Variants in PRRT3 observed in about 807,000 individuals in gnomAD.
The protein encoded by PRRT3 is proline-rich transmembrane protein 3.
PRRT3 carries 48 observed loss-of-function variants against 56.6 expected under a neutral mutation model. The ratio of observed to expected loss-of-function variants is 0.85; its 90% confidence interval spans 0.67 to 1.08. The LOEUF (loss-of-function observed/expected upper bound fraction) is 1.08, where lower values mean the gene tolerates loss of function less well. Among genes scored for constraint, PRRT3 ranks in the 50% least tolerant of loss-of-function variants. PRRT3 has a pLI of 0.00. For synonymous variants in PRRT3, 641 were observed against 619.1 expected, an observed-to-expected ratio of 1.04 and a Z score of -0.52; for missense variants, 1,370 against 1,353.1, an observed-to-expected ratio of 1.01 and a Z score of -0.20.
chr3:9,949,184 T>C lies in PRRT3; in HGVS notation c.932A>G (p.Asp311Gly). ...TGGTGAATCCTTAGCGTCAGGAAGG[T>C]CAGCCTGCTTGGGCGGGGGACCTGG... ...SSPGPPPKQADLPDAKDSPGP... is the reference protein window; with the variant it reads ...SSPGPPPKQAGLPDAKDSPGP... The change falls in exon 2 of 4, where the codon GAC (aspartate) becomes GGC (glycine). Residue 311 changes from aspartate to glycine, a missense_variant. Asp to Gly is a moderately conservative substitution (Grantham distance 94). Transcript: ENST00000412055. The surrounding 1 kb of genome is among the most constrained non-coding windows in gnomAD (Gnocchi z 4.5). 1.2e-6 allele frequency: 2 copies of C among 1,611,828 alleles called. No individual in the cohort carries two copies. Among genetic ancestry groups the C allele is most frequent in the Non-Finnish European group, 1.7e-6 (2 of 1,179,190 alleles).
rs779015351 is a variant in PRRT3 at position 9,948,819 on chromosome 3, A to T, written c.1110T>A (p.Gly370=). ...TTACAGCTGGGCCAGGGTCTGAGGG[A>T]CCAGGGATGAGAGACTTGGGGGTGC... is the stretch of plus-strand genomic sequence containing the variant. ...APGTPKSLIP[G]PSDPGPAVNR... The change falls in exon 3 of 4, where the codon GGT becomes GGA. Residue 370 remains glycine, a synonymous_variant. Coordinates refer to ENST00000412055, the MANE Select transcript of PRRT3 (RefSeq NM_207351.5). The T allele has an allele frequency of 6.2e-6, 10 of 1,613,392 alleles. No homozygotes were observed. The Admixed American group carries it at 1.0e-4, about 16-fold the overall frequency.
Position 9,949,663 on chromosome 3 carries a change from A to T in PRRT3, c.453T>A (p.His151Gln). Reference sequence around the variant, plus strand: ...TGGGAGTTGTGGGGATGAAAGTGAGATGAGGGTGGCCCACTGGGTGGGGAG... The same window carrying T: ...TGGGAGTTGTGGGGATGAAAGTGAGTTGAGGGTGGCCCACTGGGTGGGGAG... ...AVAPHPVGHP[H>Q]LTFIPTTPRR... is the part of the protein sequence containing the mutation. The change falls in exon 2 of 4, where the codon CAT becomes CAA. Residue 151 changes from histidine (H) to glutamine (Q), a missense_variant. By Grantham distance (24) the His-to-Gln change is conservative. Coordinates refer to ENST00000412055, the MANE Select transcript of PRRT3 (RefSeq NM_207351.5). The surrounding 1 kb of genome is among the most constrained non-coding windows in gnomAD (Gnocchi z 4.5). 6.2e-7 allele frequency: 1 copy of T among 1,614,044 alleles called. No homozygotes were observed. Among genetic ancestry groups the T allele is most frequent in the Non-Finnish European group, 8.5e-7 (1 of 1,180,012 alleles).
Position 9,946,537 on chromosome 3 carries a change from C to CGCACGT in PRRT3, c.2630_2635dup (p.Val878_Arg879insHisVal), listed in dbSNP as rs2085524977. ...GTGCTGTGGGACCGGCCCGCGCACG[C>CGCACGT]GCACGTCGCTGAGCGACCTGCAGCG... On this transcript the variant is annotated inframe_insertion, in exon 4 of 4. Transcript: ENST00000412055. This position sits in a 1 kb window ranked among gnomAD's most constrained non-coding sequence, Gnocchi z 4.1. 1.4e-6 allele frequency: 2 copies of CGCACGT among 1,461,516 alleles called. No homozygotes were observed. The highest frequency in any genetic ancestry group is 5.3e-5 in the Admixed American group (2 of 37,670). 90.5% of individuals were successfully genotyped at this position (1,461,516 alleles called of 1,614,324 possible). A position where few individuals can be genotyped will look rare whatever the true frequency, so the allele number is the denominator to read the frequency against.
In PRRT3 at chr3:9,949,689, C is replaced by A; in HGVS notation, c.427G>T (p.Ala143Ser). Reference protein sequence around the residue: ...SQELLQQEAVAPHPVGHPHLT... With the variant: ...SQELLQQEAVSPHPVGHPHLT... ...TGAGGGTGGCCCACTGGGTGGGGAG[C>A]CACTGCTTCTTGCTGCAGAAGCTCT... Residue 143 changes from alanine (A) to serine (S), a missense_variant, in exon 2 of 4, where the codon GCT becomes TCT. Physicochemically the swap from Ala to Ser is moderately conservative, Grantham distance 99 (BLOSUM62 1). Transcript: ENST00000412055. This position sits in a 1 kb window ranked among gnomAD's most constrained non-coding sequence, Gnocchi z 4.5. 1 of 1,614,136 alleles carries A rather than the reference C, an allele frequency of 6.2e-7. No individual in the cohort carries two copies. The highest frequency in any genetic ancestry group is 8.5e-7 in the Non-Finnish European group (1 of 1,180,032).
Position 9,947,729 on chromosome 3 carries a change from A to G in PRRT3, c.1444T>C (p.Phe482Leu), listed in dbSNP as rs1351268219. The G allele has an allele frequency of 1.3e-6, 2 of 1,559,560 alleles. No individual in the cohort carries two copies. The highest frequency in any genetic ancestry group is 2.3e-5 in the East Asian group (1 of 43,660). The change falls in exon 4 of 4, where the codon TTT becomes CTT. Residue 482 changes from phenylalanine to leucine, a missense_variant. By Grantham distance (22) the Phe-to-Leu change is conservative. Transcript: ENST00000412055. This position sits in a 1 kb window ranked among gnomAD's most constrained non-coding sequence, Gnocchi z 9.2. ...ELHVYGVGVL[F>L]LLPALLALAA... Reference sequence around the variant, plus strand: ...AGCGCCAACAACGCGGGCAGCAGAAAGAGTACCCCCACCCCGTAGACGTGC... The same window carrying G: ...AGCGCCAACAACGCGGGCAGCAGAAGGAGTACCCCCACCCCGTAGACGTGC...
intron 3 of PRRT3, 115 bp from the exon 4 acceptor site, chr3:9,948,116 A>G (rs916773808): frequency 6.2e-6 from 7 of 1,127,210 alleles, no homozygotes; most frequent in Middle Eastern, 2.2e-4. Flanking sequence ...CAAAATGGAG[A>G]TAACAGCACC....
rs370534364 is a variant in PRRT3, at chr3:9,949,198, C to T, written c.918G>A (p.Pro306=). The change falls in exon 2 of 4, where the codon CCG becomes CCA. Residue 306 remains proline, a synonymous_variant. Coordinates refer to ENST00000412055, the MANE Select transcript of PRRT3 (RefSeq NM_207351.5). This position sits in a 1 kb window ranked among gnomAD's most constrained non-coding sequence, Gnocchi z 4.5. ...CGTCAGGAAGGTCAGCCTGCTTGGGCGGGGGACCTGGGGAGCTGACTTCCC... is the reference window on the plus strand; with the variant it reads ...CGTCAGGAAGGTCAGCCTGCTTGGGTGGGGGACCTGGGGAGCTGACTTCCC... ...VSWEVSSPGP[P]PKQADLPDAK... The T allele has an allele frequency of 3.1e-4, 506 of 1,610,184 alleles. 1 individual carries two copies. Among genetic ancestry groups the T allele is most frequent in the South Asian group, 9.8e-4 (89 of 90,532 alleles).
rs1200980366 is a variant in PRRT3 at position 9,946,822 on chromosome 3, C to T, written c.2351G>A (p.Gly784Asp). The change falls in exon 4 of 4, where the codon GGT (glycine) becomes GAT (aspartate). Residue 784 changes from glycine (G) to aspartate (D), a missense_variant. Transcript: ENST00000412055. The surrounding 1 kb of genome is among the most constrained non-coding windows in gnomAD (Gnocchi z 4.1). ...SAASLGRGPQ[G>D]GPGLSRNGVG... ...ACCGTTGCGGGACAGTCCCGGGCCACCCTGGGGTCCGCGACCCAACGACGC... is the reference window on the plus strand; with the variant it reads ...ACCGTTGCGGGACAGTCCCGGGCCATCCTGGGGTCCGCGACCCAACGACGC... 3 of 1,543,362 alleles carry T rather than the reference C, an allele frequency of 1.9e-6. No homozygotes were observed. Among genetic ancestry groups the T allele is most frequent in the East Asian group, 2.4e-5 (1 of 41,848 alleles).
intron 3 of PRRT3, 119 bp from the exon 4 acceptor site, chr3:9,948,120 C>A: frequency 9.4e-7 from 1 of 1,060,766 alleles, no homozygotes; most frequent in Non-Finnish European, 1.2e-6. Context: ...ATGGAGATAA[C>A]AGCACCTGCC....
Position 9,946,162 on chromosome 3 carries a change from C to T in PRRT3, c.*65G>A. ...GGATGCCCATTTTTTAAAGGCTCAA[C>T]TGTCCCAGTAGGCCATGCCATGTGG... is the stretch of plus-strand genomic sequence containing the variant. On this transcript the variant is annotated 3_prime_UTR_variant, in exon 4 of 4. Coordinates refer to ENST00000412055, the MANE Select transcript of PRRT3 (RefSeq NM_207351.5). This position sits in a 1 kb window ranked among gnomAD's most constrained non-coding sequence, Gnocchi z 4.1. 6.5e-7 allele frequency: 1 copy of T among 1,543,854 alleles called. No homozygotes were observed. Among genetic ancestry groups the T allele is most frequent in the Non-Finnish European group, 8.7e-7 (1 of 1,143,666 alleles).
intron 3 of PRRT3, chr3:9,948,395 T>A: frequency 2.5e-6 from 1 of 401,218 alleles, no homozygotes; most frequent in Non-Finnish European, 4.4e-6. Flanking sequence ...AGTGGTGCAA[T>A]GTGGGCTTAC....
In PRRT3 at chr3:9,946,578, G is replaced by A. The variant is rs751947266; in HGVS notation, c.2595C>T (p.Ser865=). 1.3e-5 allele frequency: 18 copies of A among 1,408,640 alleles called. No individual in the cohort carries two copies. The East Asian group carries it at 2.3e-4, about 18-fold the overall frequency. The allele number at this position is 1,408,640 out of a possible 1,614,324, so 87.3% of individuals were successfully genotyped here. A position where few individuals can be genotyped will look rare whatever the true frequency, so the allele number is the denominator to read the frequency against. The change falls in exon 4 of 4, where the codon TCC becomes TCT. Residue 865 remains serine, a synonymous_variant. Transcript: ENST00000412055. The surrounding 1 kb of genome is among the most constrained non-coding windows in gnomAD (Gnocchi z 4.1). ...ACCTGCAGCGGCCGCGGAGGAGCGA[G>A]GAGCCAGCGTCGTCGAGCTCGGCTT... The part of the protein sequence containing the change: ...HPKAELDDAG[S]SLLRGRCRSL...
In PRRT3 at chr3:9,946,218, G is replaced by T. The variant is rs753348899; in HGVS notation, c.*9C>A. 6.2e-7 allele frequency: 1 copy of T among 1,610,166 alleles called. No individual in the cohort carries two copies. The highest frequency in any genetic ancestry group is 8.5e-7 in the Non-Finnish European group (1 of 1,178,908). On this transcript the variant is annotated 3_prime_UTR_variant, in exon 4 of 4. Coordinates refer to ENST00000412055, the MANE Select transcript of PRRT3 (RefSeq NM_207351.5). The surrounding 1 kb of genome is among the most constrained non-coding windows in gnomAD (Gnocchi z 4.1). ...GGGCAGGGTCCTGGCCCTGCGTCAG[G>T]ACCGCTCTTCAAAGCTCGATGGTAT... is the stretch of plus-strand genomic sequence containing the variant.
In PRRT3 at chr3:9,947,580, C is replaced by T; in HGVS notation, c.1593G>A (p.Arg531=). ...GCACCAGGCCCCCGCGAACGCCCAG[C>T]CGCGCCTGCGAGCCGTAAGGGTCGG... is the stretch of plus-strand genomic sequence containing the variant. The part of the protein sequence containing the change: ...MLTDPYGSQA[R]LGVRGGLVLY... The change falls in exon 4 of 4, where the codon CGG becomes CGA. Residue 531 remains arginine, a synonymous_variant. Transcript: ENST00000412055. This position sits in a 1 kb window ranked among gnomAD's most constrained non-coding sequence, Gnocchi z 9.2. 1 of 1,593,640 alleles carries T rather than the reference C, an allele frequency of 6.3e-7. No individual in the cohort carries two copies.
Position 9,946,529 on chromosome 3 carries a change from C to G in PRRT3, c.2644G>C (p.Gly882Arg), listed in dbSNP as rs765172729. 2.7e-6 allele frequency: 4 copies of G among 1,468,314 alleles called. No homozygotes were observed. The African/African-American group carries it at 4.4e-5, about 16-fold the overall frequency. The allele number at this position is 1,468,314 out of a possible 1,614,324, so 91.0% of individuals were successfully genotyped here. A position where few individuals can be genotyped will look rare whatever the true frequency, so the allele number is the denominator to read the frequency against. ...TCCACTACGTGCTGTGGGACCGGCCCGCGCACGCGCACGTCGCTGAGCGAC... is the reference window on the plus strand; with the variant it reads ...TCCACTACGTGCTGTGGGACCGGCCGGCGCACGCGCACGTCGCTGAGCGAC... Reference protein sequence around the residue: ...CRSLSDVRVRGPVPQHVVEAP... With the variant: ...CRSLSDVRVRRPVPQHVVEAP... Residue 882 changes from glycine (G) to arginine (R), a missense_variant, in exon 4 of 4, where the codon GGG (glycine) becomes CGG (arginine). Gly to Arg is a moderately radical substitution (Grantham distance 125, BLOSUM62 -2). Transcript: ENST00000412055. This position sits in a 1 kb window ranked among gnomAD's most constrained non-coding sequence, Gnocchi z 4.1.
rs1468837005 is a variant in PRRT3 at position 9,945,973 on chromosome 3, A to G, written c.*254T>C. ...CTCAGCCTCCCGAGTAGCTGGGACT[A>G]CAGGCGTGTGCCACCTGGCTAATTT... On this transcript the variant is annotated 3_prime_UTR_variant, in exon 4 of 4. Coordinates refer to ENST00000412055, the MANE Select transcript of PRRT3 (RefSeq NM_207351.5). The G allele has an allele frequency of 4.7e-6, 2 of 421,850 alleles. No homozygotes were observed. Among genetic ancestry groups the G allele is most frequent in the Non-Finnish European group, 4.2e-6 (1 of 238,128 alleles). 26.1% of individuals were successfully genotyped at this position (421,850 alleles called of 1,614,324 possible). A position where few individuals can be genotyped will look rare whatever the true frequency, so the allele number is the denominator to read the frequency against.
chr3:9,947,103 C>A lies in PRRT3; in HGVS notation c.2070G>T (p.Ala690=), dbSNP rs751044182. The change falls in exon 4 of 4, where the codon GCG becomes GCT. Residue 690 remains alanine, a synonymous_variant. Coordinates refer to ENST00000412055, the MANE Select transcript of PRRT3 (RefSeq NM_207351.5). This position sits in a 1 kb window ranked among gnomAD's most constrained non-coding sequence, Gnocchi z 9.2. ...FWLRLLELTW[A]LALALAAVAA... Reference sequence around the variant, plus strand: ...CCACCGCGGCCAACGCCAGGGCGAGCGCCCATGTCAGCTCCAGGAGGCGCA... The same window carrying A: ...CCACCGCGGCCAACGCCAGGGCGAGAGCCCATGTCAGCTCCAGGAGGCGCA... 5 of 1,537,132 alleles carry A rather than the reference C, an allele frequency of 3.3e-6. No homozygotes were observed. In the South Asian group the frequency reaches 6.0e-5, roughly 18 times the overall value.
rs765743768 is a variant in PRRT3 at position 9,949,439 on chromosome 3, T to C, written c.677A>G (p.Gln226Arg). 1 of 1,614,158 alleles carries C rather than the reference T, an allele frequency of 6.2e-7. No homozygotes were observed. The highest frequency in any genetic ancestry group is 2.2e-5 in the East Asian group (1 of 44,884). ...CTGCAAGTGTTCCTCAAACCCACCC[T>C]GTCCTTCCAGCACTGGCCTCTTGAC... ...GTVKRPVLEG[Q>R]GGFEEHLQEA... The change falls in exon 2 of 4, where the codon CAG (glutamine) becomes CGG (arginine). Residue 226 changes from glutamine to arginine, a missense_variant. Gln to Arg is a conservative substitution (Grantham distance 43, BLOSUM62 1). Transcript: ENST00000412055. This position sits in a 1 kb window ranked among gnomAD's most constrained non-coding sequence, Gnocchi z 4.5.
In PRRT3 at chr3:9,949,398, G is replaced by T. The variant is rs1379478982; in HGVS notation, c.718C>A (p.Pro240Thr). 4 of 1,614,172 alleles carry T rather than the reference G, an allele frequency of 2.5e-6. No homozygotes were observed. Among genetic ancestry groups the T allele is most frequent in the African/African-American group, 1.3e-5 (1 of 75,056 alleles). Residue 240 changes from proline to threonine, a missense_variant, in exon 2 of 4, where the codon CCC (proline) becomes ACC (threonine). Transcript: ENST00000412055. The surrounding 1 kb of genome is among the most constrained non-coding windows in gnomAD (Gnocchi z 4.5). ...EEHLQEAAQG[P>T]HFTQQDPAAP... The stretch of plus-strand genomic sequence containing the variant: ...GCTGGATCCTGCTGGGTGAAGTGGG[G>T]ACCTTGAGCTGCCTCCTGCAAGTGT...
Sources: gnomAD v4.1 joint callset for allele counts on GRCh38, gnomAD v4.1.1 for gene constraint, Gnocchi (gnomAD v3.1) non-coding constraint, MANE v1.5 for transcripts, NCBI Gene and HGNC (gene_info 2026-07-23, HGNC 2026-07-21) for gene names.